Variants in CDH23 observed in about 807,000 individuals in gnomAD.
CDH23 encodes cadherin related 23, also known as cadherin-23.
CDH23 carries 189 observed loss-of-function variants against 317.1 expected under a neutral mutation model. That is an observed-to-expected ratio of 0.60 (90% CI 0.53 to 0.67). The LOEUF (loss-of-function observed/expected upper bound fraction) is 0.67. CDH23 is among the 30% of genes least tolerant of loss of function. CDH23 has a pLI of 0.00. For missense variants in CDH23, 4,401 were observed against 4,592.4 expected (o/e 0.96, Z 1.20); for synonymous variants, 1,839 against 1,876.8 (o/e 0.98, Z 0.52).
At chr10:71,689,699 A>G (rs1865113509) in intron 19 of CDH23, among the ~76,000 whole-genome samples, 1 of 152,242 alleles carries the variant, frequency 6.6e-6, no homozygotes, top group Admixed American at 6.5e-5. Flanking sequence ...TCCCAGCAGC[A>G]AACTCACAAG....
intron 28 of CDH23, among the ~76,000 whole-genome samples, chr10:71,723,344 C>T (rs528627033): frequency 6.6e-6 from 1 of 152,096 alleles, no homozygotes; most frequent in Admixed American, 6.6e-5. Context: ...CCAGTAGCCT[C>T]GAGGCTGCAC....
intron 3 of CDH23, among the ~76,000 whole-genome samples, chr10:71,455,213 G>T (rs577579263): frequency 1.3e-5 from 2 of 152,112 alleles, no homozygotes; most frequent in East Asian, 3.8e-4. Flanking sequence ...ATTGTACAGA[G>T]TTCCCATATA....
At chr10:71,806,111 C>T (rs1841711178) in intron 56 of CDH23, 57 bp from the exon 57 acceptor site, 1 of 1,532,870 alleles carries the variant, frequency 6.5e-7, no homozygotes, top group Non-Finnish European at 8.8e-7. Flanking sequence ...ACCGGGAAGT[C>T]CCCAAGCCAA....
chr10:71,533,651 G>A lies in CDH23; in HGVS notation c.429+22439G>A, dbSNP rs191644721. On this transcript the variant is annotated intron_variant, in intron 6 of 69. Coordinates refer to ENST00000224721, the MANE Select transcript of CDH23 (RefSeq NM_022124.6). ...TAGGTGATTAGAGCTATGTGACACAGGATGCAGCACATCCCAGTCAGTGGT... is the reference window on the plus strand; with the variant it reads ...TAGGTGATTAGAGCTATGTGACACAAGATGCAGCACATCCCAGTCAGTGGT... 1.7e-4 allele frequency among the ~76,000 whole-genome samples: 26 copies of A among 152,096 alleles called. No homozygotes were observed. In the East Asian group the frequency reaches 5.0e-3, roughly 29 times the overall value.
At chr10:71,813,193 G>C (rs745812772) in intron 68 of CDH23, 51 bp from the exon 69 acceptor site, 11 of 1,497,962 alleles carry the variant, frequency 7.3e-6, no homozygotes, top group Middle Eastern at 2.1e-4. Flanking sequence ...GGCGAGGGGC[G>C]GGGCAGGCAG....
At chr10:71,611,529 T>C (rs1860893822) in intron 9 of CDH23, among the ~76,000 whole-genome samples, 1 of 152,016 alleles carries the variant, frequency 6.6e-6, no homozygotes, top group Non-Finnish European at 1.5e-5. Context: ...TTGTTGGGAG[T>C]TTCCTGTGTC....
chr10:71,664,017 G>T (rs9415984), intron 14 of CDH23, among the ~76,000 whole-genome samples: 26,828 of 148,062 alleles, frequency 0.18, 2,966 homozygotes, highest in East Asian at 0.37. Context: ...AAAAAAAAAG[G>T]ATTACGGACT....
intron 44 of CDH23, 46 bp downstream of exon 44, chr10:71,785,784 G>A (rs371166397): frequency 8.6e-5 from 102 of 1,189,926 alleles, no homozygotes; most frequent in Middle Eastern, 7.5e-4. Context: ...AGCTAGAGGC[G>A]CATGGAGAGA....
At chr10:71,464,442 G>A (rs1364323795) in intron 3 of CDH23, among the ~76,000 whole-genome samples, 2 of 152,176 alleles carry the variant, frequency 1.3e-5, no homozygotes, top group Non-Finnish European at 2.9e-5. Context: ...TACCTGCAGG[G>A]ATGGAGAAGA....
At chr10:71,729,060 C>T (rs1326491929) in intron 30 of CDH23, among the ~76,000 whole-genome samples, 1 of 152,108 alleles carries the variant, frequency 6.6e-6, no homozygotes, top group African/African-American at 2.4e-5. Flanking sequence ...GTCTCGAATG[C>T]CTGGGCTCAA....
chr10:71,765,966 C>T (rs1221422338), intron 38 of CDH23, among the ~76,000 whole-genome samples: 1 of 152,126 alleles, frequency 6.6e-6, no homozygotes, highest in Non-Finnish European at 1.5e-5. Context: ...GTCTGAGACT[C>T]CAGCTGGGAC....
At chr10:71,443,033 T>G (rs541522673) in intron 2 of CDH23, among the ~76,000 whole-genome samples, 2 of 152,304 alleles carry the variant, frequency 1.3e-5, no homozygotes, top group Non-Finnish European at 2.9e-5. Context: ...CCTGACTCCT[T>G]GAATTTATCC....
intron 3 of CDH23, among the ~76,000 whole-genome samples, chr10:71,452,922 C>G (rs1417111636): frequency 6.6e-6 from 1 of 152,162 alleles, no homozygotes; most frequent in Non-Finnish European, 1.5e-5. Context: ...GGGCCTCCAT[C>G]TCTGTACCAA....
At chr10:71,591,817 C>T (rs1204046004) in intron 9 of CDH23, among the ~76,000 whole-genome samples, 3 of 151,980 alleles carry the variant, frequency 2.0e-5, no homozygotes, top group Non-Finnish European at 4.4e-5. Context: ...GGCAGGTGCT[C>T]AGGAAATGCC....
At chr10:71,792,537 G>A (rs185162903) in intron 47 of CDH23, among the ~76,000 whole-genome samples, 8 of 151,914 alleles carry the variant, frequency 5.3e-5, no homozygotes, top group African/African-American at 1.4e-4. Context: ...AAGTATATTT[G>A]TCTTGGTCCA....
chr10:71,648,268 G>T (rs920704134), intron 14 of CDH23, among the ~76,000 whole-genome samples: 1 of 152,202 alleles, frequency 6.6e-6, no homozygotes, highest in South Asian at 2.1e-4. Flanking sequence ...TCAGTGCCCA[G>T]CCAGAGAGCA....
chr10:71,456,042 T>G (rs995094081), intron 3 of CDH23, among the ~76,000 whole-genome samples: 72 of 151,926 alleles, frequency 4.7e-4, no homozygotes, highest in Admixed American at 4.7e-3. Flanking sequence ...CCTCCTGGGT[T>G]GGTGGGCTGT....
At chr10:71,405,901 G>C (rs7084811) in intron 1 of CDH23, among the ~76,000 whole-genome samples, 58,398 of 152,046 alleles carry the variant, frequency 0.38, 12,086 homozygotes, top group African/African-American at 0.54. Context: ...CGTCTAGTTG[G>C]TGGGACTTCA....
chr10:71,633,030 G>A (rs1455696922), intron 11 of CDH23, among the ~76,000 whole-genome samples: 1 of 152,074 alleles, frequency 6.6e-6, no homozygotes, highest in African/African-American at 2.4e-5. Context: ...AGATTACTAC[G>A]TGTGCTCATG....
Sources: allele counts gnomAD v4.1 joint callset (sites outside exome capture counted in the v4.1 genomes callset), GRCh38; gene constraint gnomAD v4.1.1; transcripts MANE v1.5; gene names NCBI Gene and HGNC (gene_info 2026-07-23, HGNC 2026-07-21).